The following ACTR3B variants were observed in gnomAD, a reference collection of about 807,000 sequenced individuals.
ACTR3B encodes the protein actin related protein 3B.
In ACTR3B, 8 loss-of-function variants were observed where a neutral mutation model predicts 59.0. The observed-to-expected ratio is 0.14, with a 90% CI of 0.08 to 0.24. The LOEUF is 0.24. Among genes scored for constraint, ACTR3B ranks in the 10% least tolerant of loss-of-function variants. The probability of loss-of-function intolerance (pLI) is 1.00; values close to 1 mark genes in which losing one functional copy is unlikely to be tolerated. For synonymous variants in ACTR3B, 148 were observed against 197.9 expected (o/e 0.75, Z 2.12); for missense variants, 245 against 552.3 (o/e 0.44, Z 5.58).
intron 2 of ACTR3B, among the ~76,000 whole-genome samples, chr7:152,789,020 T>TGAAAA (rs2098184515): frequency 1.0e-5 from 1 of 99,128 alleles, no homozygotes; most frequent in African/African-American, 3.4e-5. Context: ...AGACGCTGTC[T>TGAAAA]CAAAACAACA....
In ACTR3B at chr7:152,855,217, T is replaced by TGC. The variant is rs957331810; in HGVS notation, c.*664_*665insGC. 1.3e-5 allele frequency: 2 copies of TGC among 152,648 alleles called. No individual in the cohort carries two copies. The highest frequency in any genetic ancestry group is 2.9e-5 in the Non-Finnish European group (2 of 68,060). The allele number at this position is 152,648 out of a possible 1,614,324, so 9.5% of individuals were successfully genotyped here. On this transcript the variant is annotated 3_prime_UTR_variant, in exon 12 of 12. Coordinates refer to ENST00000256001, the MANE Select transcript of ACTR3B (RefSeq NM_020445.6). The stretch of plus-strand genomic sequence containing the variant: ...GACATGAAGTTTGAACACTAAACAG[T>TGC]AATGTATGAGAATTACTACAGATAC...
chr7:152,829,847 T>A (rs1430389724), intron 9 of ACTR3B, among the ~76,000 whole-genome samples: 1 of 152,214 alleles, frequency 6.6e-6, no homozygotes, highest in African/African-American at 2.4e-5. Context: ...CAGTTTGAAT[T>A]GCTTTGTAAT....
chr7:152,772,518 C>G (rs1363863377), intron 1 of ACTR3B, among the ~76,000 whole-genome samples: 1 of 151,788 alleles, frequency 6.6e-6, no homozygotes, highest in African/African-American at 2.4e-5. Context: ...AAGCGAGACT[C>G]TGGCTCAAAA....
intron 2 of ACTR3B, among the ~76,000 whole-genome samples, chr7:152,784,707 T>C (rs2689470): frequency 6.6e-6 from 1 of 152,200 alleles, no homozygotes; most frequent in African/African-American, 2.4e-5. Context: ...GAGGCCTCTC[T>C]CCACGGCCTG....
At position 152,817,312 on chromosome 7, in the gene ACTR3B, C is replaced by T. The variant is rs1315670104; in HGVS notation, c.540+724C>T. On this transcript the variant is annotated intron_variant, in intron 6 of 11. Coordinates refer to ENST00000256001, the MANE Select transcript of ACTR3B (RefSeq NM_020445.6). ...AGGAGAATCGCTTGAACCCGGGAGA[C>T]GGAGGTTGCAGTGAGCCGAGATCGC... Among the ~76,000 whole-genome samples, 35 of 151,464 alleles carry T rather than the reference C, an allele frequency of 2.3e-4. 1 individual carries two copies. The highest frequency in any genetic ancestry group is 1.6e-3 in the East Asian group (8 of 5,114).
Position 152,803,011 on chromosome 7 carries a change from C to T in ACTR3B, c.336+1280C>T, listed in dbSNP as rs575194337. Among the ~76,000 whole-genome samples, 33 of 152,172 alleles carry T rather than the reference C, an allele frequency of 2.2e-4. 1 individual carries two copies. On this transcript the variant is annotated intron_variant, in intron 4 of 11. Transcript: ENST00000256001. ...CACAGGCCACTCTGTTTTCTCTGTA[C>T]ATCCATAGTGGTTTATTTTATTTTA...
At chr7:152,850,071 C>G (rs1347491193) in intron 9 of ACTR3B, among the ~76,000 whole-genome samples, 1 of 150,944 alleles carries the variant, frequency 6.6e-6, no homozygotes, top group Non-Finnish European at 1.5e-5. Context: ...AAGGTCAGAT[C>G]ACTGGTGGCT....
chr7:152,820,499 A>G (rs1796059486), intron 7 of ACTR3B, 57 bp downstream of exon 7: 1 of 1,554,346 alleles, frequency 6.4e-7, no homozygotes, highest in Non-Finnish European at 8.8e-7. Flanking sequence ...TGTTCTGGAC[A>G]CTTCCCCTTG....
chr7:152,836,566 G>A (rs1339872665), intron 9 of ACTR3B, among the ~76,000 whole-genome samples: 283 of 148,924 alleles, frequency 1.9e-3, no homozygotes, highest in African/African-American at 6.8e-3. Context: ...CAGCCTTAGC[G>A]ACAAAGGGAC....
intron 2 of ACTR3B, among the ~76,000 whole-genome samples, chr7:152,796,888 T>G (rs1434246787): frequency 2.4e-4 from 31 of 131,162 alleles, no homozygotes; most frequent in Middle Eastern, 3.6e-3. Flanking sequence ...TTTTTTTTTT[T>G]TTTTTTTTTT....
intron 4 of ACTR3B, among the ~76,000 whole-genome samples, chr7:152,805,844 T>A (rs543842480): frequency 2.1e-4 from 32 of 152,378 alleles, no homozygotes; most frequent in Non-Finnish European, 2.5e-4. Flanking sequence ...TTTGTATTTT[T>A]AAAAATGTTT....
chr7:152,769,973 A>G (rs2098120257), intron 1 of ACTR3B, among the ~76,000 whole-genome samples: 1 of 151,980 alleles, frequency 6.6e-6, no homozygotes, highest in Non-Finnish European at 1.5e-5. Context: ...TTGGACCTGT[A>G]TTGATAGAGG....
At chr7:152,789,550 T>G (rs1024134437) in intron 2 of ACTR3B, among the ~76,000 whole-genome samples, 2 of 130,596 alleles carry the variant, frequency 1.5e-5, no homozygotes, top group African/African-American at 6.1e-5. Context: ...GTTTGTAAGA[T>G]TTTTTTTTTT....
intron 9 of ACTR3B, 37 bp downstream of exon 9, chr7:152,825,159 C>T (rs1459672358): frequency 1.3e-5 from 21 of 1,596,178 alleles, no homozygotes; most frequent in Non-Finnish European, 1.8e-5. Context: ...TGATTTCATT[C>T]CACAATTAAA....
In ACTR3B at chr7:152,814,618, C is replaced by T. The variant is rs577691730; in HGVS notation, c.405C>T (p.Asn135=). 5.1e-5 allele frequency: 82 copies of T among 1,613,720 alleles called. No homozygotes were observed. The South Asian group carries it at 7.9e-4, about 16-fold the overall frequency. The change falls in exon 5 of 12, where the codon AAC becomes AAT. Residue 135 remains asparagine, a synonymous_variant. Coordinates refer to ENST00000256001, the MANE Select transcript of ACTR3B (RefSeq NM_020445.6). ...CAGAAATTATGTTTGAATCATTTAA[C>T]GTACCAGGACTCTACATTGCAGTTC... ...YLAEIMFESF[N]VPGLYIAVQA...
intron 8 of ACTR3B, 121 bp downstream of exon 8, chr7:152,823,636 C>G: frequency 8.1e-7 from 1 of 1,240,272 alleles, no homozygotes; most frequent in Non-Finnish European, 1.1e-6. Context: ...TTCGGTCTCT[C>G]TGCATCCCCT....
intron 1 of ACTR3B, among the ~76,000 whole-genome samples, chr7:152,773,903 C>T (rs1275633278): frequency 1.3e-5 from 2 of 152,146 alleles, no homozygotes; most frequent in Admixed American, 1.3e-4. Context: ...GCTGTCCACA[C>T]TTGCTCCTCA....
At chr7:152,799,133 T>C (rs2098226774) in intron 2 of ACTR3B, among the ~76,000 whole-genome samples, 1 of 152,236 alleles carries the variant, frequency 6.6e-6, no homozygotes, top group Non-Finnish European at 1.5e-5. Flanking sequence ...GCATTTACAT[T>C]TGTATAGCTA....
intron 10 of ACTR3B, among the ~76,000 whole-genome samples, chr7:152,852,860 C>T (rs777385992): frequency 4.7e-5 from 7 of 150,514 alleles, no homozygotes; most frequent in African/African-American, 7.3e-5. Context: ...GGTGAGATCT[C>T]GGCTCATAGC....
Sources: allele counts gnomAD v4.1 joint callset (sites outside exome capture counted in the v4.1 genomes callset), GRCh38; gene constraint gnomAD v4.1.1; transcripts MANE v1.5; gene names NCBI Gene and HGNC (gene_info 2026-07-23, HGNC 2026-07-21).